The following SORCS2 variants were observed in gnomAD, a reference collection of about 807,000 sequenced individuals.
The protein encoded by SORCS2 is VPS10 domain-containing receptor SorCS2.
Under a neutral mutation model 141.6 loss-of-function variants are expected in SORCS2, and 100 were observed. The observed-to-expected ratio is 0.71, with a 90% confidence interval of 0.60 to 0.83. SORCS2 has a LOEUF of 0.83. Among genes scored for constraint, SORCS2 ranks in the 40% least tolerant of loss-of-function variants. SORCS2 has a pLI of 0.00. For missense variants in SORCS2, 1,646 were observed against 1,560.2 expected, an observed-to-expected ratio of 1.05 and a Z score of -0.93; for synonymous variants, 789 against 676.9, an observed-to-expected ratio of 1.17 and a Z score of -2.57.
chr4:7,654,067 C>T (rs183480295), intron 4 of SORCS2, 67 bp from the exon 5 acceptor site: 13 of 1,384,524 alleles, frequency 9.4e-6, no homozygotes, highest in Admixed American at 7.9e-5. Flanking sequence ...AAGACATCAC[C>T]CTCTCTCAGA....
intron 1 of SORCS2, among the ~76,000 whole-genome samples, chr4:7,364,589 G>A (rs1721769466): frequency 1.3e-5 from 2 of 152,132 alleles, no homozygotes; most frequent in African/African-American, 4.8e-5. Context: ...GAGGTAAAGG[G>A]TCTTGAGGGT....
At chr4:7,457,482 C>T (rs1301163307) in intron 2 of SORCS2, among the ~76,000 whole-genome samples, 1 of 151,590 alleles carries the variant, frequency 6.6e-6, no homozygotes, top group Non-Finnish European at 1.5e-5. Flanking sequence ...GTGAACACTG[C>T]AAGCTGACAG....
chr4:7,726,890 C>T lies in SORCS2; in HGVS notation c.2856C>T (p.Val952=), dbSNP rs750742267. The T allele has an allele frequency of 1.9e-6, 3 of 1,613,348 alleles. No individual in the cohort carries two copies. Among genetic ancestry groups the T allele is most frequent in the Non-Finnish European group, 2.5e-6 (3 of 1,179,496 alleles). The stretch of plus-strand genomic sequence containing the variant: ...ACTCGGTGCTGCAGGACTCCAGGGT[C>T]CTCCGTGTGCTGGGTAAGTACTTCC... ...CGNSVLQDSR[V]LRVLDQFQVM... The change falls in exon 21 of 27, where the codon GTC becomes GTT. Residue 952 remains valine, a synonymous_variant. Coordinates refer to ENST00000507866, the MANE Select transcript of SORCS2 (RefSeq NM_020777.3).
intron 1 of SORCS2, among the ~76,000 whole-genome samples, chr4:7,198,294 G>A (rs1342026061): frequency 6.6e-6 from 1 of 152,194 alleles, no homozygotes; most frequent in Non-Finnish European, 1.5e-5. Context: ...GACCATGTGA[G>A]TTCTTAAATG....
At chr4:7,490,644 A>C (rs1577650772) in intron 2 of SORCS2, among the ~76,000 whole-genome samples, 1 of 152,282 alleles carries the variant, frequency 6.6e-6, no homozygotes, top group East Asian at 1.9e-4. Flanking sequence ...CAGATAGCTC[A>C]GTTCCCAGTT....
At chr4:7,736,787 G>T (rs1490920354) in intron 25 of SORCS2, among the ~76,000 whole-genome samples, 1 of 152,192 alleles carries the variant, frequency 6.6e-6, no homozygotes, top group African/African-American at 2.4e-5. Flanking sequence ...CCCACGCTTC[G>T]ATTCTCAGGG....
chr4:7,556,534 C>T (rs2109654027), intron 3 of SORCS2, among the ~76,000 whole-genome samples: 1 of 152,220 alleles, frequency 6.6e-6, no homozygotes, highest in South Asian at 2.1e-4. Flanking sequence ...GAGGCTGAGA[C>T]CCAGTCTTGG....
chr4:7,223,400 G>T (rs532857983), intron 1 of SORCS2, among the ~76,000 whole-genome samples: 1 of 152,244 alleles, frequency 6.6e-6, no homozygotes, highest in South Asian at 2.1e-4. Context: ...AAATCCTTTG[G>T]AAAGGACAGG....
At chr4:7,279,511 C>G (rs1055038229) in intron 1 of SORCS2, among the ~76,000 whole-genome samples, 27 of 152,210 alleles carry the variant, frequency 1.8e-4, no homozygotes, top group African/African-American at 6.5e-4. Flanking sequence ...TTACTTGTAA[C>G]GGCTCAAAAT....
At chr4:7,532,739 G>A (rs1216951599) in intron 3 of SORCS2, among the ~76,000 whole-genome samples, 4 of 152,122 alleles carry the variant, frequency 2.6e-5, no homozygotes, top group East Asian at 1.9e-4. Context: ...TGATTGGGCC[G>A]TCTCGGTGGT....
intron 3 of SORCS2, among the ~76,000 whole-genome samples, chr4:7,581,219 C>G (rs1464768907): frequency 1.3e-5 from 2 of 149,000 alleles, no homozygotes; most frequent in Non-Finnish European, 3.0e-5. Context: ...AAACTATGTA[C>G]AGAAAAATAT....
rs1718601362 is a variant in SORCS2 at position 7,316,967 on chromosome 4, G to A, written c.481-79321G>A. On this transcript the variant is annotated intron_variant, in intron 1 of 26. Transcript: ENST00000507866. The stretch of plus-strand genomic sequence containing the variant: ...GAACCATCTCCCCTGACAGCAGACA[G>A]ACTTCCACAAGTTCTGAATGCAAGC... Among the ~76,000 whole-genome samples the A allele has an allele frequency of 2.0e-5, 3 of 152,150 alleles. No homozygotes were observed. The South Asian group carries it at 6.2e-4, about 32-fold the overall frequency.
intron 15 of SORCS2, among the ~76,000 whole-genome samples, chr4:7,713,499 C>A (rs529105708): frequency 6.6e-6 from 1 of 152,194 alleles, no homozygotes; most frequent in Admixed American, 6.5e-5. Context: ...TACAGGGACC[C>A]TCTCAAAGGA....
intron 8 of SORCS2, among the ~76,000 whole-genome samples, chr4:7,673,200 G>A (rs1435517091): frequency 2.0e-5 from 3 of 152,124 alleles, no homozygotes; most frequent in Admixed American, 6.5e-5. Flanking sequence ...AACGAAATAC[G>A]TGCCCTCTAC....
At chr4:7,278,943 C>T (rs1715686707) in intron 1 of SORCS2, among the ~76,000 whole-genome samples, 1 of 152,192 alleles carries the variant, frequency 6.6e-6, no homozygotes, top group Non-Finnish European at 1.5e-5. Flanking sequence ...CAGAAAACCC[C>T]ACAGGGCTGG....
At chr4:7,382,995 C>A (rs1018589510) in intron 1 of SORCS2, among the ~76,000 whole-genome samples, 2 of 151,920 alleles carry the variant, frequency 1.3e-5, no homozygotes, top group African/African-American at 4.8e-5. Flanking sequence ...TTTTAAATAC[C>A]AACACAGCCA....
chr4:7,387,539 A>G (rs1233317854), intron 1 of SORCS2, among the ~76,000 whole-genome samples: 5 of 149,840 alleles, frequency 3.3e-5, no homozygotes, highest in Admixed American at 6.6e-5. Context: ...ACACATGCAC[A>G]CACATGCACA....
At position 7,619,444 on chromosome 4, in the gene SORCS2, T is replaced by C. The variant is rs1719000786; in HGVS notation, c.649-18884T>C. 2.0e-5 allele frequency among the ~76,000 whole-genome samples: 3 copies of C among 152,202 alleles called. No individual in the cohort carries two copies. In the South Asian group the frequency reaches 6.2e-4, roughly 32 times the overall value. ...TTTCCCTTAAAACAGTCCGGAAGCT[T>C]CTGGCCAGTAAAACCTCACTCTACC... is the stretch of plus-strand genomic sequence containing the variant. On this transcript the variant is annotated intron_variant, in intron 3 of 26. Coordinates refer to ENST00000507866, the MANE Select transcript of SORCS2 (RefSeq NM_020777.3).
chr4:7,581,599 C>T (rs1327092745), intron 3 of SORCS2, among the ~76,000 whole-genome samples: 1 of 152,134 alleles, frequency 6.6e-6, no homozygotes, highest in Non-Finnish European at 1.5e-5. Context: ...TAGGCCTGGT[C>T]ATTTGAGGCC....
Sources: gnomAD v4.1 joint callset for allele counts (sites outside exome capture counted in the v4.1 genomes callset) on GRCh38, gnomAD v4.1.1 for gene constraint, MANE v1.5 for transcripts, NCBI Gene and HGNC (gene_info 2026-07-23, HGNC 2026-07-21) for gene names.